Variants in MEOX2 observed in about 807,000 individuals in gnomAD.
The protein encoded by MEOX2 is mesenchyme homeobox 2.
Under a neutral mutation model 27.0 loss-of-function variants are expected in MEOX2, and 11 were observed. That is an observed-to-expected ratio of 0.41 (90% CI 0.26 to 0.68). The LOEUF (loss-of-function observed/expected upper bound fraction) is 0.68, where lower values mean the gene tolerates loss of function less well. Ranked by LOEUF, MEOX2 falls within the 30% of genes least tolerant of loss-of-function variation. The pLI, the probability that MEOX2 is intolerant of heterozygous loss-of-function variation, is 0.33. For synonymous variants in MEOX2, 189 were observed against 155.4 expected (o/e 1.22, Z -1.61); for missense variants, 436 against 385.4 (o/e 1.13, Z -1.10).
intron 1 of MEOX2, chr7:15,668,164 T>G (rs1412185926): frequency 6.6e-6 from 1 of 152,122 alleles, no homozygotes; most frequent in Non-Finnish European, 1.5e-5. Context: ...TACTTATGCA[T>G]GGATTTTCTT....
At chr7:15,627,209 A>G (rs1462336940) in intron 1 of MEOX2, among the ~76,000 whole-genome samples, 1 of 152,086 alleles carries the variant, frequency 6.6e-6, no homozygotes, top group East Asian at 1.9e-4. Context: ...AGATAAACCA[A>G]AACCTCTCTA....
intron 1 of MEOX2, among the ~76,000 whole-genome samples, chr7:15,630,685 T>A (rs1295087712): frequency 6.6e-6 from 1 of 152,040 alleles, no homozygotes; most frequent in Non-Finnish European, 1.5e-5. Context: ...GATATTTCAT[T>A]ATTTATTAAC....
chr7:15,622,920 G>A (rs1341502838), intron 2 of MEOX2, among the ~76,000 whole-genome samples: 2 of 152,166 alleles, frequency 1.3e-5, no homozygotes, highest in East Asian at 1.9e-4. Context: ...AGCCTCTTCA[G>A]CCATCATATC....
Position 15,686,359 on chromosome 7 carries a change from G to A in MEOX2, c.44C>T (p.Thr15Met), listed in dbSNP as rs375110864. 2.7e-5 allele frequency: 43 copies of A among 1,591,900 alleles called. No homozygotes were observed. Among genetic ancestry groups the A allele is most frequent in the Non-Finnish European group, 3.2e-5 (37 of 1,168,566 alleles). ...LFGCLRSPHA[T>M]AQGLHPFSQS... is the part of the protein sequence containing the mutation. The stretch of plus-strand genomic sequence containing the variant: ...GGAGAACGGGTGCAAGCCTTGCGCC[G>A]TGGCGTGAGGGCTGCGCAGGCAGCC... The change falls in exon 1 of 3, where the codon ACG (threonine) becomes ATG (methionine). Residue 15 changes from threonine (T) to methionine (M), a missense_variant. Coordinates refer to ENST00000262041, the MANE Select transcript of MEOX2 (RefSeq NM_005924.5).
At position 15,659,968 on chromosome 7, in the gene MEOX2, G is replaced by T. The variant is rs773541255; in HGVS notation, c.517+25918C>A. Among the ~76,000 whole-genome samples the T allele has an allele frequency of 2.0e-5, 3 of 152,130 alleles. No homozygotes were observed. The East Asian group carries it at 5.8e-4, about 29-fold the overall frequency. ...TCTCTGTAATCAGGTTTAGGAGACA[G>T]AAGTTAATAAATGATTACAATGCAA... On this transcript the variant is annotated intron_variant, in intron 1 of 2. Transcript: ENST00000262041.
chr7:15,648,585 A>G (rs1234712831), intron 1 of MEOX2, among the ~76,000 whole-genome samples: 2 of 152,086 alleles, frequency 1.3e-5, no homozygotes, highest in East Asian at 3.9e-4. Context: ...CTGTCTCCAC[A>G]TTCCATAAAA....
In MEOX2 at chr7:15,627,108, T is replaced by A. The variant is rs1403294219; in HGVS notation, c.518-190A>T. ...ATAATTCTTATTTTTTTCATCTTCC[T>A]TCAGGTAACTCACAGTCCATTTGGG... is the stretch of plus-strand genomic sequence containing the variant. On this transcript the variant is annotated intron_variant, in intron 1 of 2. Transcript: ENST00000262041. 5.3e-5 allele frequency among the ~76,000 whole-genome samples: 8 copies of A among 152,096 alleles called. 1 individual carries two copies. In the South Asian group the frequency reaches 1.2e-3, roughly 24 times the overall value.
At chr7:15,638,874 A>G (rs374494514) in intron 1 of MEOX2, among the ~76,000 whole-genome samples, 198 of 152,190 alleles carry the variant, frequency 1.3e-3, no homozygotes, top group African/African-American at 4.7e-3. Context: ...TCTTTACGCG[A>G]TCAACTGTTG....
At chr7:15,617,731 G>C (rs1203841081) in intron 2 of MEOX2, among the ~76,000 whole-genome samples, 2 of 152,018 alleles carry the variant, frequency 1.3e-5, no homozygotes, top group Non-Finnish European at 2.9e-5. Context: ...CCTGTTTACA[G>C]GGCTGCCTCT....
chr7:15,612,734 G>A, intron 2 of MEOX2, 123 bp from the exon 3 acceptor site: 1 of 685,882 alleles, frequency 1.5e-6, no homozygotes, highest in Non-Finnish European at 2.5e-6. Context: ...CACCATGAAG[G>A]AGTGAATAGA....
chr7:15,631,982 T>C (rs114228067), intron 1 of MEOX2, among the ~76,000 whole-genome samples: 2,541 of 146,624 alleles, frequency 0.017, 81 homozygotes, highest in African/African-American at 0.062. Flanking sequence ...TATTCTTAAA[T>C]TGGTAGAAAT....
At chr7:15,639,143 T>C (rs897840959) in intron 1 of MEOX2, among the ~76,000 whole-genome samples, 1 of 147,072 alleles carries the variant, frequency 6.8e-6, no homozygotes, top group African/African-American at 2.7e-5. Context: ...CATCTGTTAT[T>C]TTTTTGACTT....
At chr7:15,663,140 C>A (rs1781943467) in intron 1 of MEOX2, among the ~76,000 whole-genome samples, 1 of 152,096 alleles carries the variant, frequency 6.6e-6, no homozygotes, top group Non-Finnish European at 1.5e-5. Context: ...ACACAGAACA[C>A]ACAGACATGA....
At chr7:15,658,948 T>TTCTATC (rs1781866052) in intron 1 of MEOX2, among the ~76,000 whole-genome samples, 1 of 152,238 alleles carries the variant, frequency 6.6e-6, no homozygotes, top group Admixed American at 6.5e-5. Context: ...TGCCTCATCT[T>TTCTATC]TCTATCTTTC....
At chr7:15,641,668 G>T (rs1781561976) in intron 1 of MEOX2, among the ~76,000 whole-genome samples, 1 of 152,066 alleles carries the variant, frequency 6.6e-6, no homozygotes, top group African/African-American at 2.4e-5. Flanking sequence ...TTGTTAGATA[G>T]TTGCTTTGTA....
At chr7:15,667,711 G>C (rs1252123638) in intron 1 of MEOX2, among the ~76,000 whole-genome samples, 1 of 151,990 alleles carries the variant, frequency 6.6e-6, no homozygotes, top group Non-Finnish European at 1.5e-5. Flanking sequence ...TTCATCTTGG[G>C]CTAAAATACT....
chr7:15,620,284 G>A (rs963700536), intron 2 of MEOX2, among the ~76,000 whole-genome samples: 2 of 152,088 alleles, frequency 1.3e-5, no homozygotes, highest in Non-Finnish European at 2.9e-5. Context: ...TCTAAAGTGT[G>A]GCTACATAGG....
At chr7:15,622,330 A>C (rs2115357299) in intron 2 of MEOX2, among the ~76,000 whole-genome samples, 1 of 152,226 alleles carries the variant, frequency 6.6e-6, no homozygotes, top group East Asian at 1.9e-4. Context: ...CACACACATA[A>C]AATGAGCCTA....
intron 1 of MEOX2, among the ~76,000 whole-genome samples, chr7:15,651,030 T>C (rs1781725384): frequency 6.6e-6 from 1 of 151,978 alleles, no homozygotes. Context: ...TTTCTGAAAG[T>C]GCTGGAAACA....
Sources: allele counts gnomAD v4.1 joint callset (sites outside exome capture counted in the v4.1 genomes callset), GRCh38; gene constraint gnomAD v4.1.1; transcripts MANE v1.5; gene names NCBI Gene and HGNC (gene_info 2026-07-23, HGNC 2026-07-21).